BRDT: variants seen among roughly 807,000 people sequenced by gnomAD.
BRDT encodes bromodomain testis-specific protein.
Under a neutral mutation model 113.9 loss-of-function variants are expected in BRDT, and 77 were observed. That is an observed-to-expected ratio of 0.68 (90% confidence interval 0.56 to 0.82). The LOEUF is 0.82. Among genes scored for constraint, BRDT ranks in the 40% least tolerant of loss-of-function variants. The pLI is 0.00. For synonymous variants in BRDT, 358 were observed against 366.5 expected, an observed-to-expected ratio of 0.98 and a Z score of 0.26; for missense variants, 1,027 against 1,105.4, an observed-to-expected ratio of 0.93 and a Z score of 1.01.
intron 12 of BRDT, 118 bp downstream of exon 12, chr1:91,981,873 G>T: frequency 7.7e-7 from 1 of 1,296,974 alleles, no homozygotes; most frequent in East Asian, 2.6e-5. Context: ...TGTATATCAT[G>T]CTAATTATTT....
In BRDT at chr1:91,981,725, A is replaced by G. The variant is rs1222277454; in HGVS notation, c.1972A>G (p.Ser658Gly). Residue 658 changes from serine (S) to glycine (G), a missense_variant, in exon 12 of 19, where the codon AGC becomes GGC. Physicochemically the swap from Ser to Gly is moderately conservative, Grantham distance 56. Transcript: ENST00000399546. ...SESESSSSDL[S>G]SSDSSDSESE... is the part of the protein sequence containing the mutation. ...GTCTGAAAGTAGCAGCAGTGACTTAAGCTCTTCAGACAGCAGTGATTCTGA... is the reference window on the plus strand; with the variant it reads ...GTCTGAAAGTAGCAGCAGTGACTTAGGCTCTTCAGACAGCAGTGATTCTGA... The G allele has an allele frequency of 6.2e-7, 1 of 1,614,030 alleles. No individual in the cohort carries two copies. The highest frequency in any genetic ancestry group is 1.1e-5 in the South Asian group (1 of 91,066).
At position 92,005,191 on chromosome 1, in the gene BRDT, G is replaced by A. The variant is rs770754120; in HGVS notation, c.2667G>A (p.Gln889=). The change falls in exon 18 of 19, where the codon CAG becomes CAA. Residue 889 remains glutamine (Q), a synonymous_variant. Transcript: ENST00000399546. ...KIQNKCSGEE[Q]KEHQQSSEAQ... ...AAAACAAGTGCTCTGGAGAAGAGCAGAAAGAACATCAGCAGTCATCAGAAG... is the reference window on the plus strand; with the variant it reads ...AAAACAAGTGCTCTGGAGAAGAGCAAAAAGAACATCAGCAGTCATCAGAAG... The A allele has an allele frequency of 5.7e-6, 9 of 1,577,760 alleles. No individual in the cohort carries two copies. Among genetic ancestry groups the A allele is most frequent in the Admixed American group, 3.7e-5 (2 of 53,694 alleles).
intron 1 of BRDT, among the ~76,000 whole-genome samples, chr1:91,960,270 A>G (rs1682289644): frequency 1.3e-5 from 2 of 152,184 alleles, no homozygotes; most frequent in Admixed American, 6.6e-5. Flanking sequence ...AGTATTCACA[A>G]TATAGTCAAG....
chr1:92,003,825 T>G (rs559295063), intron 16 of BRDT, among the ~76,000 whole-genome samples: 1 of 152,144 alleles, frequency 6.6e-6, no homozygotes, highest in South Asian at 2.1e-4. Flanking sequence ...TATATTAAAT[T>G]TACTTAAATT....
intron 18 of BRDT, among the ~76,000 whole-genome samples, chr1:92,009,562 T>TTTTTTTG (rs1687617842): frequency 1.4e-5 from 2 of 146,160 alleles, no homozygotes; most frequent in Non-Finnish European, 3.0e-5. Context: ...TTTTTTTTTT[T>TTTTTTTG]TTCTCTTGAC....
In BRDT at chr1:92,004,617, G is replaced by A. The variant is rs1216427551; in HGVS notation, c.2592G>A (p.Gln864=). 1 of 1,600,926 alleles carries A rather than the reference G, an allele frequency of 6.2e-7. No homozygotes were observed. Among genetic ancestry groups the A allele is most frequent in the Admixed American group, 1.8e-5 (1 of 56,388 alleles). ...AACTAAAAGCATCTCAAGAAAATCA[G>A]AGGTCTGTAATTTACTGGATTAAAG... The part of the protein sequence containing the change: ...TKELKASQEN[Q]RDLGNGLTVE... Residue 864 remains glutamine, a splice_region_variant and synonymous_variant, in exon 17 of 19, where the codon CAG becomes CAA. Transcript: ENST00000399546.
chr1:91,994,751 C>T (rs1391476080), intron 15 of BRDT, among the ~76,000 whole-genome samples: 1 of 149,608 alleles, frequency 6.7e-6, no homozygotes, highest in African/African-American at 2.5e-5. Context: ...GCCTGTAGTC[C>T]CAGCTACTTG....
chr1:91,991,282 G>A, intron 13 of BRDT, 37 bp downstream of exon 13: 1 of 1,303,790 alleles, frequency 7.7e-7, no homozygotes, highest in Non-Finnish European at 1.1e-6. Context: ...AATTTTAAAA[G>A]TATGTATAAC....
chr1:91,950,858 CTA>C (rs1553182035), intron 1 of BRDT: 1 of 151,822 alleles, frequency 6.6e-6, no homozygotes, highest in Non-Finnish European at 1.5e-5. Flanking sequence ...AACCCCATCT[CTA>C]CTAAAAATAG....
chr1:92,011,531 C>T (rs140234873), intron 18 of BRDT, among the ~76,000 whole-genome samples: 82 of 152,036 alleles, frequency 5.4e-4, no homozygotes, highest in African/African-American at 1.9e-3. Context: ...TGAGCTACCA[C>T]GCCCAGCCGA....
intron 8 of BRDT, among the ~76,000 whole-genome samples, chr1:91,980,418 T>C (rs1374051405): frequency 2.6e-5 from 4 of 152,200 alleles, no homozygotes; most frequent in African/African-American, 7.2e-5. Flanking sequence ...CTGTTGGTAG[T>C]TGAATATTTA....
intron 12 of BRDT, among the ~76,000 whole-genome samples, chr1:91,985,638 C>CTT (rs57330647): frequency 0.12 from 13,425 of 108,458 alleles, 1,824 homozygotes; most frequent in East Asian, 0.34. Context: ...ATTAGTTTTG[C>CTT]TTTTTTTTTT....
rs1386333800 is a variant in BRDT at position 91,962,213 on chromosome 1, A to G, written c.-37-505A>G. On this transcript the variant is annotated intron_variant, in intron 1 of 18. Transcript: ENST00000399546. ...AAAAATCCAAGGCTAAGGCATATATAGTGAAACTTTTACTATTTGTATATA... is the reference window on the plus strand; with the variant it reads ...AAAAATCCAAGGCTAAGGCATATATGGTGAAACTTTTACTATTTGTATATA... Among the ~76,000 whole-genome samples, 3 of 143,368 alleles carry G rather than the reference A, an allele frequency of 2.1e-5. No homozygotes were observed. The East Asian group carries it at 5.8e-4, about 28-fold the overall frequency. The allele number at this position is 143,368 out of a possible 152,430, so 94.1% of individuals were successfully genotyped here. A position where few individuals can be genotyped will look rare whatever the true frequency, so the allele number is the denominator to read the frequency against.
intron 16 of BRDT, 148 bp downstream of exon 16, chr1:92,002,297 A>T: frequency 1.7e-6 from 1 of 599,334 alleles, no homozygotes; most frequent in South Asian, 2.4e-5. Flanking sequence ...TTGAAAAAGT[A>T]CTTCTGAGCA....
intron 4 of BRDT, among the ~76,000 whole-genome samples, chr1:91,970,813 G>A (rs1036348737): frequency 6.6e-6 from 1 of 151,512 alleles, no homozygotes; most frequent in Non-Finnish European, 1.5e-5. Context: ...AGAGCCTGAG[G>A]TGGGAGGATT....
chr1:91,953,645 ATTCCAGCC>A (rs1681383964), intron 1 of BRDT, among the ~76,000 whole-genome samples: 1 of 152,178 alleles, frequency 6.6e-6, no homozygotes, highest in South Asian at 2.1e-4. Flanking sequence ...ATGCCACTGC[ATTCCAGCC>A]TGGGTGACAG....
chr1:91,958,918 A>G (rs1053961973), intron 1 of BRDT, among the ~76,000 whole-genome samples: 12 of 152,024 alleles, frequency 7.9e-5, no homozygotes, highest in African/African-American at 2.7e-4. Flanking sequence ...ATATTGTGGT[A>G]TGTACCTATA....
At chr1:92,008,418 C>G (rs1687520540) in intron 18 of BRDT, among the ~76,000 whole-genome samples, 1 of 151,994 alleles carries the variant, frequency 6.6e-6, no homozygotes, top group Admixed American at 6.6e-5. Flanking sequence ...TGTAGCAAAA[C>G]CAAGCTGAAA....
intron 1 of BRDT, among the ~76,000 whole-genome samples, chr1:91,962,282 CTTTT>C (rs11310260): frequency 7.4e-6 from 1 of 134,630 alleles, no homozygotes. Context: ...TGCCATTTGG[CTTTT>C]TTTTTTTTTC....
Sources: gnomAD v4.1 joint callset for allele counts (sites outside exome capture counted in the v4.1 genomes callset) on GRCh38, gnomAD v4.1.1 for gene constraint, MANE v1.5 for transcripts, NCBI Gene and HGNC (gene_info 2026-07-23, HGNC 2026-07-21) for gene names.